The following DMD variants were observed in gnomAD, a reference collection of about 807,000 sequenced individuals.
DMD encodes the protein dystrophin, also known as mutant dystrophin.
In DMD, 63 loss-of-function variants were observed where a neutral mutation model predicts 330.1. That is an observed-to-expected ratio of 0.19 (90% CI 0.16 to 0.24). The LOEUF is 0.24. Among genes scored for constraint, DMD ranks in the 10% least tolerant of loss-of-function variants. The pLI is 1.00. For synonymous variants in DMD, 1,223 were observed against 959.8 expected, an observed-to-expected ratio of 1.27 and a Z score of -5.07; for missense variants, 3,344 against 2,684.1, an observed-to-expected ratio of 1.25 and a Z score of -5.43.
At chrX:31,517,002 C>G (rs952198060) in intron 55 of DMD, among the ~76,000 whole-genome samples, 2 of 111,306 alleles carry the variant, frequency 1.8e-5, no homozygotes, top group Non-Finnish European at 3.8e-5. Flanking sequence ...TTAAGATTAC[C>G]TTTTAAAACT....
intron 7 of DMD, among the ~76,000 whole-genome samples, chrX:32,705,936 C>T (rs1383476881): frequency 8.2e-5 from 9 of 109,606 alleles, no homozygotes; most frequent in African/African-American, 1.0e-4. Context: ...CGTATGTTTA[C>T]TGCAGCACTA....
At chrX:32,825,068 T>G (rs912667964) in intron 4 of DMD, among the ~76,000 whole-genome samples, 4 of 111,960 alleles carry the variant, frequency 3.6e-5, no homozygotes, top group African/African-American at 1.3e-4. Flanking sequence ...TAAGAGCATG[T>G]AAAAGTAAAA....
At chrX:31,498,843 T>C (rs1196091535) in intron 56 of DMD, among the ~76,000 whole-genome samples, 1 of 112,188 alleles carries the variant, frequency 8.9e-6, no homozygotes, top group Non-Finnish European at 1.9e-5. Context: ...ATACCATAAA[T>C]GTCATGAATT....
chrX:32,566,940 C>T (rs1351552726), intron 15 of DMD, among the ~76,000 whole-genome samples: 1 of 112,035 alleles, frequency 8.9e-6, no homozygotes, highest in East Asian at 2.8e-4. Flanking sequence ...AATCGCGATA[C>T]CTGTCTTTCC....
intron 2 of DMD, among the ~76,000 whole-genome samples, chrX:32,883,990 G>A (rs951140633): frequency 9.1e-6 from 1 of 109,837 alleles, no homozygotes; most frequent in Non-Finnish European, 1.9e-5. Context: ...AGACAGAAAT[G>A]GAAAGGTAAG....
At chrX:31,359,007 T>C (rs2058803423) in intron 60 of DMD, among the ~76,000 whole-genome samples, 1 of 112,104 alleles carries the variant, frequency 8.9e-6, no homozygotes, top group African/African-American at 3.2e-5. Context: ...ACCACAGCTG[T>C]GAGTATTTGC....
At chrX:32,124,832 C>T (rs775699505) in intron 44 of DMD, among the ~76,000 whole-genome samples, 2 of 110,153 alleles carry the variant, frequency 1.8e-5, no homozygotes, top group Admixed American at 9.8e-5. Flanking sequence ...AAGTGACAAC[C>T]GATCAAGACC....
chrX:31,408,833 G>A (rs1239299678), intron 60 of DMD, among the ~76,000 whole-genome samples: 1 of 111,635 alleles, frequency 9.0e-6, no homozygotes, highest in Non-Finnish European at 1.9e-5. Flanking sequence ...TGTGCACAAC[G>A]TGCAGGTTTG....
chrX:32,734,298 G>A (rs1417490837), intron 7 of DMD, among the ~76,000 whole-genome samples: 2 of 88,769 alleles, frequency 2.3e-5, no homozygotes, highest in East Asian at 6.7e-4. Context: ...AAAGAGTCCA[G>A]GACCAGATGG....
chrX:32,698,112 G>T, intron 8 of DMD, 114 bp from the exon 9 acceptor site: 1 of 836,495 alleles, frequency 1.2e-6, no homozygotes, highest in Non-Finnish European at 1.7e-6. Context: ...GAAATGGTGA[G>T]ATTCAATGTT....
At chrX:33,316,377 C>T (rs1179808587) in intron 1 of DMD, among the ~76,000 whole-genome samples, 1 of 111,143 alleles carries the variant, frequency 9.0e-6, no homozygotes, top group Non-Finnish European at 1.9e-5. Context: ...AGGAATAAAT[C>T]ATATATACCC....
chrX:32,031,169 T>A (rs1482762243), intron 44 of DMD, among the ~76,000 whole-genome samples: 2 of 111,886 alleles, frequency 1.8e-5, no homozygotes, highest in South Asian at 3.7e-4. Context: ...TATCTCTCAG[T>A]ACTCTTAGGT....
chrX:32,128,141 C>A (rs2096670841), intron 44 of DMD, among the ~76,000 whole-genome samples: 1 of 111,975 alleles, frequency 8.9e-6, no homozygotes, highest in Admixed American at 9.5e-5. Context: ...CACTGTAAAA[C>A]AAGTAAAATT....
intron 1 of DMD, among the ~76,000 whole-genome samples, chrX:33,163,022 G>C (rs1232546812): frequency 2.7e-5 from 3 of 111,595 alleles, no homozygotes; most frequent in African/African-American, 9.8e-5. Context: ...ACCTCTGCTG[G>C]AACTCTGCAG....
chrX:33,324,476 G>A (rs112458194), intron 1 of DMD, among the ~76,000 whole-genome samples: 3,508 of 111,240 alleles, frequency 0.032, 125 homozygotes, highest in East Asian at 0.26. Context: ...ACAGATTTTT[G>A]CAAACTTCAT....
chrX:32,730,149 G>C (rs932986960), intron 7 of DMD, among the ~76,000 whole-genome samples: 2 of 111,608 alleles, frequency 1.8e-5, no homozygotes, highest in African/African-American at 6.5e-5. Flanking sequence ...CCGGGGCAAT[G>C]AAGCAAGACC....
At chrX:33,270,370 T>C (rs1457296378) in intron 1 of DMD, among the ~76,000 whole-genome samples, 1 of 111,043 alleles carries the variant, frequency 9.0e-6, no homozygotes, top group Non-Finnish European at 1.9e-5. Context: ...GGCAACTCTA[T>C]ACCTCTCTAC....
intron 20 of DMD, among the ~76,000 whole-genome samples, chrX:32,485,773 C>T (rs886781306): frequency 1.2e-4 from 7 of 56,030 alleles, no homozygotes; most frequent in East Asian, 7.0e-4. Context: ...GACAGAGTCT[C>T]GCTCTTGTTG....
At chrX:31,845,624 T>C (rs1178210845) in intron 48 of DMD, among the ~76,000 whole-genome samples, 1 of 110,620 alleles carries the variant, frequency 9.0e-6, no homozygotes. Flanking sequence ...CGAGTACTTA[T>C]TGAACAAACA....
Sources: gnomAD v4.1 joint callset for allele counts (sites outside exome capture counted in the v4.1 genomes callset) on GRCh38, gnomAD v4.1.1 for gene constraint, MANE v1.5 for transcripts, NCBI Gene and HGNC (gene_info 2026-07-23, HGNC 2026-07-21) for gene names.